CERKL: variants seen among roughly 807,000 people sequenced by gnomAD.
CERKL encodes ceramide kinase-like protein.
CERKL carries 61 observed loss-of-function variants against 63.4 expected under a neutral mutation model. That is an observed-to-expected ratio of 0.96 (90% confidence interval 0.78 to 1.19). The LOEUF (loss-of-function observed/expected upper bound fraction) is 1.19, where lower values mean the gene tolerates loss of function less well. CERKL is among the 50% of genes most tolerant of loss of function. The pLI, the probability that CERKL is intolerant of heterozygous loss-of-function variation, is 0.00. For synonymous variants in CERKL, 250 were observed against 230.5 expected, an observed-to-expected ratio of 1.08 and a Z score of -0.77; for missense variants, 675 against 655.5, an observed-to-expected ratio of 1.03 and a Z score of -0.33.
At chr2:181,548,302 AAG>A (rs1352304953) in intron 8 of CERKL, 2 of 547,958 alleles carry the variant, frequency 3.6e-6, no homozygotes, top group Non-Finnish European at 6.4e-6. Context: ...GGAAGGGAAA[AAG>A]AGAACGGAAG....
rs1358957625 is a variant in CERKL, at chr2:181,537,279, G to A, written c.*905C>T. ...GTTCTTTCCTACTCAGAACTACTCA[G>A]AAACAACTATATATTTCAGGTTATC... On this transcript the variant is annotated 3_prime_UTR_variant, in exon 13 of 13. Transcript: ENST00000410087. The A allele has an allele frequency of 2.2e-6, 1 of 453,518 alleles. No individual in the cohort carries two copies. The highest frequency in any genetic ancestry group is 4.4e-6 in the Non-Finnish European group (1 of 226,484). The allele number at this position is 453,518 out of a possible 1,614,324, so 28.1% of individuals were successfully genotyped here. A position where few individuals can be genotyped will look rare whatever the true frequency, so the allele number is the denominator to read the frequency against.
chr2:181,586,617 T>C lies in CERKL; in HGVS notation c.482-12733A>G, dbSNP rs137973239. Among the ~76,000 whole-genome samples, 377 of 152,242 alleles carry C rather than the reference T, an allele frequency of 2.5e-3. 1 individual carries two copies. Among genetic ancestry groups the C allele is most frequent in the African/African-American group, 6.6e-3 (276 of 41,534 alleles). ...TAACTTCCCAATTCATACTCTAGAG[T>C]ACAGACCTTTTTAGCACGCCAGTTT... On this transcript the variant is annotated intron_variant, in intron 2 of 12. Coordinates refer to ENST00000410087, the MANE Select transcript of CERKL (RefSeq NM_201548.5).
chr2:181,543,767 G>A (rs1414320945), intron 11 of CERKL, among the ~76,000 whole-genome samples: 2 of 151,900 alleles, frequency 1.3e-5, no homozygotes, highest in Non-Finnish European at 2.9e-5. Flanking sequence ...GACACATCAC[G>A]AGGTCAGGAG....
chr2:181,621,372 G>A (rs1686441599), intron 1 of CERKL, among the ~76,000 whole-genome samples: 1 of 152,126 alleles, frequency 6.6e-6, no homozygotes, highest in Admixed American at 6.5e-5. Context: ...TAGGCTCCTA[G>A]TCACATGAAA....
At chr2:181,562,476 T>C (rs1396704872) in intron 4 of CERKL, among the ~76,000 whole-genome samples, 1 of 152,238 alleles carries the variant, frequency 6.6e-6, no homozygotes, top group Non-Finnish European at 1.5e-5. Context: ...TTGGTTTTTT[T>C]CATCAACAGC....
In CERKL at chr2:181,539,254, G is replaced by C. The variant is rs950890555; in HGVS notation, c.1376C>G (p.Pro459Arg). Reference sequence around the variant, plus strand: ...CTCAACAGTGTAAGTCTCAACAAATGGAAAATTGAACTAAAAATAAATACA... The same window carrying C: ...CTCAACAGTGTAAGTCTCAACAAATCGAAAATTGAACTAAAAATAAATACA... ...YASVKNQFNF[P>R]FVETYTVEEV... Residue 459 changes from proline to arginine, a missense_variant, in exon 12 of 13, where the codon CCA becomes CGA. Transcript: ENST00000410087. The C allele has an allele frequency of 9.5e-6, 15 of 1,585,798 alleles. No homozygotes were observed. In the Admixed American group the frequency reaches 1.7e-4, roughly 18 times the overall value.
At chr2:181,585,197 C>T (rs1055435816) in intron 2 of CERKL, among the ~76,000 whole-genome samples, 17 of 152,084 alleles carry the variant, frequency 1.1e-4, no homozygotes, top group Admixed American at 3.3e-4. Context: ...CCCTCTACCA[C>T]TAGGATTTAA....
rs1574465864 is a variant in CERKL, at chr2:181,577,485, C to T, written c.482-3601G>A. Among the ~76,000 whole-genome samples, 5 of 152,144 alleles carry T rather than the reference C, an allele frequency of 3.3e-5. No individual in the cohort carries two copies. The South Asian group carries it at 8.3e-4, about 25-fold the overall frequency. ...AATGTATGGCAGAGAAACCAGTTAC[C>T]ACTTTAGAGGACTGCAAGGAAAGCT... On this transcript the variant is annotated intron_variant, in intron 2 of 12. Transcript: ENST00000410087.
intron 10 of CERKL, among the ~76,000 whole-genome samples, chr2:181,546,166 T>C (rs1687717696): frequency 6.6e-6 from 1 of 152,156 alleles, no homozygotes; most frequent in African/African-American, 2.4e-5. Context: ...TAGTCATCCT[T>C]CTCTGAAAAA....
intron 4 of CERKL, among the ~76,000 whole-genome samples, chr2:181,563,094 A>G (rs1160572063): frequency 2.6e-5 from 4 of 152,134 alleles, no homozygotes; most frequent in Non-Finnish European, 5.9e-5. Flanking sequence ...TGCAAGTGTT[A>G]CTGCTTCAAG....
chr2:181,562,529 C>CA (rs930158707), intron 4 of CERKL, among the ~76,000 whole-genome samples: 3 of 152,014 alleles, frequency 2.0e-5, no homozygotes, highest in Non-Finnish European at 2.9e-5. Context: ...ACAAGAAAGG[C>CA]AAAAAGCAAA....
chr2:181,586,387 T>A (rs557717804), intron 2 of CERKL, among the ~76,000 whole-genome samples: 56 of 151,716 alleles, frequency 3.7e-4, no homozygotes, highest in Non-Finnish European at 6.9e-4. Context: ...CATCCAATTA[T>A]GACAAACTGT....
At position 181,536,781 on chromosome 2, in the gene CERKL, ATAT is replaced by A; in HGVS notation, c.*1400_*1402del. 4.1e-6 allele frequency: 1 copy of A among 244,802 alleles called. No individual in the cohort carries two copies. The highest frequency in any genetic ancestry group is 4.7e-5 in the South Asian group (1 of 21,124). The allele number at this position is 244,802 out of a possible 1,614,324, so 15.2% of individuals were successfully genotyped here. A position where few individuals can be genotyped will look rare whatever the true frequency, so the allele number is the denominator to read the frequency against. On this transcript the variant is annotated 3_prime_UTR_variant, in exon 13 of 13. Coordinates refer to ENST00000410087, the MANE Select transcript of CERKL (RefSeq NM_201548.5). ...TTCTTTAAATACAATCATTTTTGTA[ATAT>A]TTATTTTATGCTTATGATCTAGATA... is the stretch of plus-strand genomic sequence containing the variant.
At chr2:181,595,233 G>T (rs1460349190) in intron 2 of CERKL, among the ~76,000 whole-genome samples, 1 of 147,532 alleles carries the variant, frequency 6.8e-6, no homozygotes, top group African/African-American at 2.6e-5. Context: ...TTAACAAAAA[G>T]AAATGTCTGC....
intron 1 of CERKL, among the ~76,000 whole-genome samples, chr2:181,647,051 C>G (rs908966317): frequency 6.6e-6 from 1 of 152,058 alleles, no homozygotes; most frequent in African/African-American, 2.4e-5. Flanking sequence ...AGTGAAAGAG[C>G]TGGTAGAGAA....
chr2:181,558,666 G>T lies in CERKL; in HGVS notation c.720C>A (p.Ala240=). 1 of 1,613,422 alleles carries T rather than the reference G, an allele frequency of 6.2e-7. No homozygotes were observed. The highest frequency in any genetic ancestry group is 8.5e-7 in the Non-Finnish European group (1 of 1,179,698). The change falls in exon 5 of 13, where the codon GCC becomes GCA. Residue 240 remains alanine (A), a synonymous_variant. Coordinates refer to ENST00000410087, the MANE Select transcript of CERKL (RefSeq NM_201548.5). This position sits in a 1 kb window ranked among gnomAD's most constrained non-coding sequence, Gnocchi z 4.2. ...TCTGAGCTCTCAGAAGCAAAGCATG[G>T]GCTACTTCGCTAGCAGATCCATCTC... ...VGGDGSASEV[A]HALLLRAQKN... is the part of the protein sequence containing the mutation.
rs187731951 is a variant in CERKL at position 181,583,382 on chromosome 2, C to A, written c.482-9498G>T. Among the ~76,000 whole-genome samples the A allele has an allele frequency of 3.8e-3, 579 of 152,240 alleles. 4 individuals carry two copies. Among genetic ancestry groups the A allele is most frequent in the Non-Finnish European group, 2.7e-3 (182 of 68,022 alleles). On this transcript the variant is annotated intron_variant, in intron 2 of 12. Coordinates refer to ENST00000410087, the MANE Select transcript of CERKL (RefSeq NM_201548.5). ...TCAGGCTGTCACCTCCTTAGCTTAG[C>A]CTCATGAATAGTGAAATAGTCAGAA...
At chr2:181,574,943 C>T (rs912359033) in intron 2 of CERKL, among the ~76,000 whole-genome samples, 2 of 152,132 alleles carry the variant, frequency 1.3e-5, no homozygotes, top group Non-Finnish European at 2.9e-5. Context: ...TCATGATAAA[C>T]TCCTTAAACA....
intron 2 of CERKL, chr2:181,603,081 A>G (rs1484329129): frequency 7.5e-6 from 2 of 265,750 alleles, no homozygotes; most frequent in Non-Finnish European, 1.6e-5. Flanking sequence ...ATCCTAATAA[A>G]CATGTTCTCT....
Sources: gnomAD v4.1 joint callset for allele counts (sites outside exome capture counted in the v4.1 genomes callset) on GRCh38, gnomAD v4.1.1 for gene constraint, Gnocchi (gnomAD v3.1) non-coding constraint, MANE v1.5 for transcripts, NCBI Gene and HGNC (gene_info 2026-07-23, HGNC 2026-07-21) for gene names.